FAM217A: variants seen among roughly 807,000 people sequenced by gnomAD.
FAM217A encodes family with sequence similarity 217 member A, also known as protein FAM217A.
FAM217A carries 13 observed loss-of-function variants against 18.5 expected under a neutral mutation model. The observed-to-expected ratio is 0.70, with a 90% CI of 0.46 to 1.12. The LOEUF (loss-of-function observed/expected upper bound fraction) is 1.12. Among genes scored for constraint, FAM217A ranks in the 50% most tolerant of loss-of-function variants. The pLI is 0.00. For synonymous variants in FAM217A, 161 were observed against 202.8 expected (o/e 0.79, Z 1.75); for missense variants, 560 against 575.4 (o/e 0.97, Z 0.27).
chr6:4,072,146 G>T (rs1332787636), intron 6 of FAM217A, among the ~76,000 whole-genome samples: 1 of 151,904 alleles, frequency 6.6e-6, no homozygotes, highest in East Asian at 2.0e-4. Flanking sequence ...TTCAAGACCA[G>T]CCTGGCCAAG....
intron 1 of FAM217A, among the ~76,000 whole-genome samples, chr6:4,078,265 G>T (rs1581892710): frequency 6.6e-6 from 1 of 151,918 alleles, no homozygotes; most frequent in East Asian, 1.9e-4. Context: ...TGTTGGCCAG[G>T]CTGGTCTTGA....
At chr6:4,073,715 A>G (rs1280062937) in intron 4 of FAM217A, among the ~76,000 whole-genome samples, 1 of 152,220 alleles carries the variant, frequency 6.6e-6, no homozygotes, top group Non-Finnish European at 1.5e-5. Flanking sequence ...CTGTTAACTA[A>G]TAAGACTTGA....
chr6:4,074,394 TAA>T, intron 4 of FAM217A, 47 bp downstream of exon 4: 1 of 1,483,858 alleles, frequency 6.7e-7, no homozygotes, highest in Non-Finnish European at 9.2e-7. Flanking sequence ...ATACTTATTT[TAA>T]AATCGTATGT....
At chr6:4,081,180 G>T (rs1770270454), upstream of FAM217A, among the ~76,000 whole-genome samples, 1 of 152,214 alleles carries the variant, frequency 6.6e-6, no homozygotes, top group African/African-American at 2.4e-5. Context: ...GAAATGTATG[G>T]TGTGGTGACT....
chr6:4,073,629 T>C (rs1192085194), intron 4 of FAM217A, 122 bp from the exon 5 acceptor site: 1 of 697,474 alleles, frequency 1.4e-6, no homozygotes, highest in Admixed American at 3.5e-5. Context: ...ACTTTGTTTA[T>C]ATACAAAGAA....
chr6:4,079,140 C>T (rs979601161), upstream of FAM217A: 4 of 339,518 alleles, frequency 1.2e-5, no homozygotes, highest in Non-Finnish European at 2.1e-5. Context: ...TCCCCACCGG[C>T]CGGGTCTCCC....
chr6:4,076,776 G>A (rs1769826993), intron 2 of FAM217A, among the ~76,000 whole-genome samples: 1 of 152,228 alleles, frequency 6.6e-6, no homozygotes, highest in South Asian at 2.1e-4. Context: ...GCTGAGGCAG[G>A]AGAATCGCTT....
chr6:4,085,311 A>AAAAAAAAAAATATAT (rs377046907), intron 1 of FAM217A, among the ~76,000 whole-genome samples: 4 of 146,418 alleles, frequency 2.7e-5, no homozygotes, highest in South Asian at 2.1e-4. Context: ...TGTAAAAAAA[A>AAAAAAAAAAATATAT]ATATATATAT....
chr6:4,076,428 GT>G, intron 2 of FAM217A, among the ~76,000 whole-genome samples: 1 of 151,836 alleles, frequency 6.6e-6, no homozygotes, highest in Non-Finnish European at 1.5e-5. Context: ...GGGTTTTTAT[GT>G]TCATGTGTGA....
In FAM217A at chr6:4,069,462, G is replaced by C; in HGVS notation, c.761C>G (p.Pro254Arg). The change falls in exon 7 of 7, where the codon CCT (proline) becomes CGT (arginine). Residue 254 changes from proline (P) to arginine (R), a missense_variant. By Grantham distance (103) the Pro-to-Arg change is moderately radical (BLOSUM62 -2). Coordinates refer to ENST00000274673, the MANE Select transcript of FAM217A (RefSeq NM_173563.3). Reference sequence around the variant, plus strand: ...GTGCAAGTCTAGAGCACTGAAAGGAGGAGGGAGAAAATCAGGATATGGAAA... The same window carrying C: ...GTGCAAGTCTAGAGCACTGAAAGGACGAGGGAGAAAATCAGGATATGGAAA... The part of the protein sequence containing the change: ...EVFPYPDFLP[P>R]PFSALDLHNL... 1 of 1,614,152 alleles carries C rather than the reference G, an allele frequency of 6.2e-7. No homozygotes were observed. Among genetic ancestry groups the C allele is most frequent in the Non-Finnish European group, 8.5e-7 (1 of 1,180,032 alleles).
intron 1 of FAM217A, among the ~76,000 whole-genome samples, chr6:4,078,374 C>T (rs945403363): frequency 6.6e-6 from 1 of 152,086 alleles, no homozygotes; most frequent in African/African-American, 2.4e-5. Flanking sequence ...TTAAAGCCAC[C>T]GCAGTAATCG....
In FAM217A at chr6:4,069,558, A is replaced by G. The variant is rs1242603949; in HGVS notation, c.665T>C (p.Val222Ala). 3 of 1,613,956 alleles carry G rather than the reference A, an allele frequency of 1.9e-6. No homozygotes were observed. Among genetic ancestry groups the G allele is most frequent in the East Asian group, 4.5e-5 (2 of 44,892 alleles). ...NDTLLSYFKK[V>A]DLNLKPETIK... is the part of the protein sequence containing the mutation. ...TGTTTCTGGCTTCAAGTTCAGGTCC[A>G]CCTTTTTAAAATAGCTGAGTAAAGT... The change falls in exon 7 of 7, where the codon GTG becomes GCG. Residue 222 changes from valine (V) to alanine (A), a missense_variant. Val to Ala is a moderately conservative substitution (Grantham distance 64). Coordinates refer to ENST00000274673, the MANE Select transcript of FAM217A (RefSeq NM_173563.3).
Position 4,079,001 on chromosome 6 carries a change from G to A in FAM217A, c.-184C>T, listed in dbSNP as rs1770070228. 6.3e-6 allele frequency: 3 copies of A among 476,822 alleles called. No homozygotes were observed. Among genetic ancestry groups the A allele is most frequent in the Non-Finnish European group, 1.1e-5 (3 of 270,408 alleles). 29.5% of individuals were successfully genotyped at this position (476,822 alleles called of 1,614,324 possible). ...GGGGGGACAAAGAGGGCGGCGGGCG[G>A]CTGGCGGCCTTGAGCGCAGCCCGGT... On this transcript the variant is annotated 5_prime_UTR_variant, in exon 1 of 7. Coordinates refer to ENST00000274673, the MANE Select transcript of FAM217A (RefSeq NM_173563.3).
rs1164240967 is a variant in FAM217A, at chr6:4,075,400, AG to A, written c.61-740del. 3.3e-5 allele frequency among the ~76,000 whole-genome samples: 5 copies of A among 152,304 alleles called. No homozygotes were observed. The South Asian group carries it at 8.3e-4, about 25-fold the overall frequency. On this transcript the variant is annotated intron_variant, in intron 2 of 6. Coordinates refer to ENST00000274673, the MANE Select transcript of FAM217A (RefSeq NM_173563.3). Reference sequence around the variant, plus strand: ...CTGTAAAAATCTTTCCATCAACCACAGGAAGTCTCTAACCCTCATATTATAT... The same window carrying A: ...CTGTAAAAATCTTTCCATCAACCACAGAAGTCTCTAACCCTCATATTATAT...
chr6:4,083,697 G>A (rs1446080377), upstream of FAM217A, among the ~76,000 whole-genome samples: 2 of 151,896 alleles, frequency 1.3e-5, no homozygotes, highest in Non-Finnish European at 2.9e-5. Flanking sequence ...GACTACAGGC[G>A]CATGCCACCA....
intron 1 of FAM217A, among the ~76,000 whole-genome samples, chr6:4,086,022 G>A (rs1770634005): frequency 6.6e-6 from 1 of 151,980 alleles, no homozygotes; most frequent in Admixed American, 6.6e-5. Context: ...TGCTGAGGTG[G>A]GAGGATTGCT....
chr6:4,074,741 A>G, intron 2 of FAM217A, 80 bp from the exon 3 acceptor site: 1 of 1,063,160 alleles, frequency 9.4e-7, no homozygotes, highest in Non-Finnish European at 1.4e-6. Context: ...TTCTTGGGGT[A>G]AAGTATGACG....
intron 6 of FAM217A, among the ~76,000 whole-genome samples, chr6:4,071,318 T>C (rs867401475): frequency 8.5e-5 from 13 of 152,220 alleles, no homozygotes; most frequent in Admixed American, 6.5e-4. Flanking sequence ...TTGTTGATGG[T>C]ATATTGAGGA....
upstream of FAM217A, among the ~76,000 whole-genome samples, chr6:4,082,143 T>A (rs898230410): frequency 3.3e-5 from 5 of 152,098 alleles, no homozygotes; most frequent in African/African-American, 1.2e-4. Flanking sequence ...GCTGTGGAGA[T>A]GTGAAATATG....
Sources: allele counts gnomAD v4.1 joint callset (sites outside exome capture counted in the v4.1 genomes callset), GRCh38; gene constraint gnomAD v4.1.1; transcripts MANE v1.5; gene names NCBI Gene and HGNC (gene_info 2026-07-23, HGNC 2026-07-21).